Variants in CEP112 observed in about 807,000 individuals in gnomAD.
CEP112 encodes the protein centrosomal protein of 112 kDa.
Under a neutral mutation model 153.0 loss-of-function variants are expected in CEP112, and 127 were observed. That is an observed-to-expected ratio of 0.83 (90% confidence interval 0.72 to 0.96). The LOEUF is 0.96. Ranked by LOEUF, CEP112 falls within the 40% of genes least tolerant of loss-of-function variation. The pLI is 0.00. For synonymous variants in CEP112, 358 were observed against 374.4 expected (o/e 0.96, Z 0.51); for missense variants, 1,089 against 1,101.2 (o/e 0.99, Z 0.16).
intron 4 of CEP112, among the ~76,000 whole-genome samples, chr17:66,139,195 G>A (rs940023193): frequency 6.6e-6 from 1 of 152,054 alleles, no homozygotes; most frequent in Non-Finnish European, 1.5e-5. Context: ...TTGATTTATT[G>A]AAATGATCAA....
chr17:66,136,076 A>G (rs2070424165), intron 4 of CEP112, among the ~76,000 whole-genome samples: 2 of 152,158 alleles, frequency 1.3e-5, no homozygotes, highest in African/African-American at 4.8e-5. Context: ...AACCAACCAC[A>G]CTGAAGCCAG....
intron 18 of CEP112, among the ~76,000 whole-genome samples, chr17:65,954,981 G>C (rs548370055): frequency 6.6e-6 from 1 of 152,128 alleles, no homozygotes; most frequent in Admixed American, 6.6e-5. Context: ...CTTGCTAAAG[G>C]CCTAGACATG....
chr17:65,984,273 G>C (rs997044487), intron 17 of CEP112, among the ~76,000 whole-genome samples: 2 of 152,122 alleles, frequency 1.3e-5, no homozygotes, highest in African/African-American at 4.8e-5. Flanking sequence ...TTTAAAGGCA[G>C]TTGTGACTTC....
chr17:65,680,687 G>A (rs559181501), intron 24 of CEP112, among the ~76,000 whole-genome samples: 12 of 152,236 alleles, frequency 7.9e-5, no homozygotes, highest in South Asian at 2.1e-4. Context: ...ATTTTAGTCC[G>A]TTCTCACACT....
intron 24 of CEP112, among the ~76,000 whole-genome samples, chr17:65,673,681 A>G (rs184071357): frequency 1.3e-3 from 192 of 152,314 alleles, no homozygotes; most frequent in African/African-American, 4.5e-3. Flanking sequence ...AATAAAAGAG[A>G]ATATATTTCA....
intron 21 of CEP112, among the ~76,000 whole-genome samples, chr17:65,782,683 T>C (rs1372083774): frequency 6.6e-6 from 1 of 152,176 alleles, no homozygotes; most frequent in Non-Finnish European, 1.5e-5. Context: ...ATCATGTCCT[T>C]TGCAGCAACA....
At chr17:65,714,148 T>C (rs2049359818) in intron 23 of CEP112, among the ~76,000 whole-genome samples, 1 of 152,120 alleles carries the variant, frequency 6.6e-6, no homozygotes, top group Non-Finnish European at 1.5e-5. Flanking sequence ...CCCTTTGAGC[T>C]CCAAGCATCA....
At chr17:65,936,869 G>A (rs1284040096) in intron 18 of CEP112, among the ~76,000 whole-genome samples, 7 of 140,020 alleles carry the variant, frequency 5.0e-5, no homozygotes, top group African/African-American at 1.3e-4. Flanking sequence ...ATGCCGAGCC[G>A]AAGCTGTACT....
At chr17:66,120,537 A>G (rs1387888308) in intron 6 of CEP112, among the ~76,000 whole-genome samples, 1 of 152,178 alleles carries the variant, frequency 6.6e-6, no homozygotes, top group Non-Finnish European at 1.5e-5. Flanking sequence ...ATATTTATTT[A>G]ATAGCTATAG....
At chr17:66,155,265 G>A (rs937783290) in intron 4 of CEP112, among the ~76,000 whole-genome samples, 3 of 152,138 alleles carry the variant, frequency 2.0e-5, no homozygotes, top group African/African-American at 7.2e-5. Context: ...GTGGGGTGAT[G>A]CCTCACACAG....
At chr17:65,674,623 C>T (rs1256371693) in intron 24 of CEP112, among the ~76,000 whole-genome samples, 2 of 152,140 alleles carry the variant, frequency 1.3e-5, no homozygotes, top group African/African-American at 2.4e-5. Flanking sequence ...GGAAATAAAC[C>T]AGCTCTCTCC....
At chr17:65,705,980 T>G (rs2048894126) in intron 23 of CEP112, among the ~76,000 whole-genome samples, 1 of 152,226 alleles carries the variant, frequency 6.6e-6, no homozygotes, top group African/African-American at 2.4e-5. Context: ...GTCTGGAATT[T>G]GCTTTAAAAT....
At chr17:65,894,045 T>A (rs550425566) in intron 20 of CEP112, among the ~76,000 whole-genome samples, 1 of 152,148 alleles carries the variant, frequency 6.6e-6, no homozygotes, top group African/African-American at 2.4e-5. Context: ...GAGTCAGAAA[T>A]CCAAAAATGA....
chr17:66,136,460 G>A (rs543635590), intron 4 of CEP112, among the ~76,000 whole-genome samples: 17 of 151,510 alleles, frequency 1.1e-4, no homozygotes, highest in Non-Finnish European at 2.1e-4. Flanking sequence ...AAACACTCAC[G>A]GCCAGAGCTC....
At chr17:66,083,406 T>C (rs1004628081) in intron 8 of CEP112, among the ~76,000 whole-genome samples, 10 of 152,192 alleles carry the variant, frequency 6.6e-5, no homozygotes, top group Non-Finnish European at 1.2e-4. Context: ...GGTATGTCTT[T>C]ATTAGCAGCA....
intron 21 of CEP112, among the ~76,000 whole-genome samples, chr17:65,832,426 A>G (rs1214872996): frequency 6.6e-6 from 1 of 151,860 alleles, no homozygotes; most frequent in Admixed American, 6.5e-5. Flanking sequence ...TGGAAAAAAA[A>G]AAAAAACTAA....
chr17:65,750,838 G>C lies in CEP112; in HGVS notation c.2395-114C>G, dbSNP rs1304947237. ...CTGCCAGCTGCACCGCCCTTCTGGG[G>C]CAGCCAGAAAACCACAGGGCTTGTC... is the stretch of plus-strand genomic sequence containing the variant. On this transcript the variant is annotated intron_variant, in intron 21 of 26. Transcript: ENST00000535342. 6.8e-6 allele frequency: 6 copies of C among 879,956 alleles called. 1 individual carries two copies. The East Asian group carries it at 1.5e-4, about 22-fold the overall frequency. 54.5% of individuals were successfully genotyped at this position (879,956 alleles called of 1,614,324 possible).
intron 21 of CEP112, among the ~76,000 whole-genome samples, chr17:65,845,033 T>C (rs1437962685): frequency 2.0e-5 from 3 of 149,468 alleles, no homozygotes; most frequent in Admixed American, 2.0e-4. Context: ...TTATGTTATA[T>C]CAAAGGCCGG....
intron 21 of CEP112, among the ~76,000 whole-genome samples, chr17:65,774,283 A>G (rs976061063): frequency 2.0e-5 from 3 of 151,932 alleles, no homozygotes; most frequent in Non-Finnish European, 4.4e-5. Context: ...CCGAGAAAAG[A>G]CCCTATTTCT....
Sources: gnomAD v4.1 joint callset for allele counts (sites outside exome capture counted in the v4.1 genomes callset) on GRCh38, gnomAD v4.1.1 for gene constraint, MANE v1.5 for transcripts, NCBI Gene and HGNC (gene_info 2026-07-23, HGNC 2026-07-21) for gene names.